SLAMF1: variants seen among roughly 807,000 people sequenced by gnomAD.
SLAMF1 encodes signaling lymphocytic activation molecule family member 1, also known as signaling lymphocytic activation molecule.
In SLAMF1, 18 loss-of-function variants were observed where a neutral mutation model predicts 35.1. The observed-to-expected ratio is 0.51, with a 90% CI of 0.35 to 0.76. SLAMF1 has a LOEUF of 0.76. Among genes scored for constraint, SLAMF1 ranks in the 30% least tolerant of loss-of-function variants. The pLI is 0.01. For missense variants in SLAMF1, 392 were observed against 413.0 expected (o/e 0.95, Z 0.44); for synonymous variants, 168 against 157.2 (o/e 1.07, Z -0.51).
chr1:160,634,623 T>C lies in SLAMF1; in HGVS notation c.690A>G (p.Thr230=). ...CACCAGTGTACTCACCTGAGGGGTCTGTCCTGCATCCGGGCCACGGGCTGA... is the reference window on the plus strand; with the variant it reads ...CACCAGTGTACTCACCTGAGGGGTCCGTCCTGCATCCGGGCCACGGGCTGA... ...QTFSPWPGCR[T]DPSETKPWAV... Residue 230 remains threonine (T), a synonymous_variant, in exon 3 of 7, where the codon ACA becomes ACG. Coordinates refer to ENST00000302035, the MANE Select transcript of SLAMF1 (RefSeq NM_003037.5). The C allele has an allele frequency of 6.2e-7, 1 of 1,605,414 alleles. No individual in the cohort carries two copies. Among genetic ancestry groups the C allele is most frequent in the African/African-American group, 1.3e-5 (1 of 75,000 alleles).
chr1:160,609,317 A>G lies in SLAMF1; in HGVS notation c.*1431T>C, dbSNP rs1658856836. The G allele has an allele frequency of 1.3e-5, 2 of 152,238 alleles. No homozygotes were observed. Among genetic ancestry groups the G allele is most frequent in the African/African-American group, 2.4e-5 (1 of 41,460 alleles). The allele number at this position is 152,238 out of a possible 1,614,324, so 9.4% of individuals were successfully genotyped here. A position where few individuals can be genotyped will look rare whatever the true frequency, so the allele number is the denominator to read the frequency against. ...ATTGGAACCAATCAGTATCTTTTCA[A>G]TAGGTTCCTTTTCTACATAAAAAAG... is the stretch of plus-strand genomic sequence containing the variant. On this transcript the variant is annotated 3_prime_UTR_variant, in exon 7 of 7. Transcript: ENST00000302035.
intron 5 of SLAMF1, among the ~76,000 whole-genome samples, chr1:160,613,996 G>A (rs1027786696): frequency 1.3e-5 from 2 of 152,210 alleles, no homozygotes; most frequent in Admixed American, 1.3e-4. Flanking sequence ...TCTTGTTAAA[G>A]GGTTGATTCT....
At chr1:160,615,349 G>A (rs1659238421) in intron 5 of SLAMF1, among the ~76,000 whole-genome samples, 2 of 152,082 alleles carry the variant, frequency 1.3e-5, no homozygotes, top group Non-Finnish European at 2.9e-5. Flanking sequence ...TATTATGCAG[G>A]AGGGAAGTAA....
chr1:160,631,668 AAG>A (rs763080531), intron 3 of SLAMF1, among the ~76,000 whole-genome samples: 7 of 151,216 alleles, frequency 4.6e-5, no homozygotes, highest in Non-Finnish European at 8.9e-5. Context: ...AGGAAAGAGA[AAG>A]AGAGAGAGAG....
At chr1:160,640,521 G>C (rs1261164988) in intron 1 of SLAMF1, among the ~76,000 whole-genome samples, 3 of 151,852 alleles carry the variant, frequency 2.0e-5, no homozygotes, top group Non-Finnish European at 2.9e-5. Context: ...GAAAGTCAGA[G>C]AGTAAAATAG....
rs981382845 is a variant in SLAMF1 at position 160,646,934 on chromosome 1, C to G, written c.12G>C (p.Lys4Asn). The G allele has an allele frequency of 6.2e-7, 1 of 1,600,560 alleles. No homozygotes were observed. The highest frequency in any genetic ancestry group is 8.6e-7 in the Non-Finnish European group (1 of 1,168,558). ...GCACGAAGGTCAAGGAGAGGAGCCC[C>G]TTGGGATCCATCAGCCAATGAGGAG... MDP[K>N]GLLSLTFVLF... Residue 4 changes from lysine to asparagine, a missense_variant, in exon 1 of 7, where the codon AAG (lysine) becomes AAC (asparagine). Physicochemically the swap from Lys to Asn is moderately conservative, Grantham distance 94. Coordinates refer to ENST00000302035, the MANE Select transcript of SLAMF1 (RefSeq NM_003037.5).
intron 4 of SLAMF1, among the ~76,000 whole-genome samples, chr1:160,622,475 T>C (rs1393540902): frequency 6.6e-6 from 1 of 152,234 alleles, no homozygotes; most frequent in Non-Finnish European, 1.5e-5. Context: ...CTAGGTATTG[T>C]TTCCAGATGC....
chr1:160,644,689 C>T (rs1453852753), intron 1 of SLAMF1, among the ~76,000 whole-genome samples: 1 of 152,152 alleles, frequency 6.6e-6, no homozygotes, highest in Non-Finnish European at 1.5e-5. Context: ...CCAATTAGCC[C>T]TGATACTCTG....
intron 1 of SLAMF1, 25 bp downstream of exon 1, chr1:160,646,845 A>C: frequency 7.2e-7 from 1 of 1,397,926 alleles, no homozygotes; most frequent in Non-Finnish European, 1.0e-6. Flanking sequence ...ATGGGACTCA[A>C]ACCATCAGGC....
chr1:160,612,720 G>A, intron 5 of SLAMF1, 140 bp from the exon 6 acceptor site: 1 of 587,794 alleles, frequency 1.7e-6, no homozygotes. Context: ...TCCTTCTCAG[G>A]TGGGAATTCT....
chr1:160,622,937 T>A (rs893444038), intron 4 of SLAMF1, among the ~76,000 whole-genome samples: 1 of 152,226 alleles, frequency 6.6e-6, no homozygotes, highest in African/African-American at 2.4e-5. Flanking sequence ...GTGCAGCAAC[T>A]AAATATAAAT....
intron 1 of SLAMF1, among the ~76,000 whole-genome samples, chr1:160,640,847 A>G (rs1230743549): frequency 6.6e-6 from 1 of 152,200 alleles, no homozygotes; most frequent in Non-Finnish European, 1.5e-5. Context: ...TTAAGCTTAA[A>G]ACAGAGTGCT....
intron 4 of SLAMF1, chr1:160,623,533 G>C (rs1410038737): frequency 2.5e-6 from 1 of 398,654 alleles, no homozygotes; most frequent in African/African-American, 2.1e-5. Flanking sequence ...ATCTCTCCTG[G>C]TCTTGGGTCA....
rs1658794620 is a variant in SLAMF1 at position 160,608,130 on chromosome 1, T to C, written c.*2618A>G. On this transcript the variant is annotated 3_prime_UTR_variant, in exon 7 of 7. Transcript: ENST00000302035. ...ATTTCCTTGATGGACTGGCTGTAAT[T>C]TATTCATTTCCAAAAAGTAGAAACA... 6.6e-6 allele frequency: 1 copy of C among 152,200 alleles called. No homozygotes were observed. The highest frequency in any genetic ancestry group is 1.5e-5 in the Non-Finnish European group (1 of 68,042). 9.4% of individuals were successfully genotyped at this position (152,200 alleles called of 1,614,324 possible). A position where few individuals can be genotyped will look rare whatever the true frequency, so the allele number is the denominator to read the frequency against.
intron 1 of SLAMF1, among the ~76,000 whole-genome samples, chr1:160,640,679 G>C (rs148758722): frequency 2.6e-5 from 4 of 151,962 alleles, no homozygotes; most frequent in Middle Eastern, 3.4e-3. Context: ...CTCAGTAAAG[G>C]GCTCAGCTAA....
At chr1:160,617,624 G>A (rs1188632533) in intron 5 of SLAMF1, among the ~76,000 whole-genome samples, 1 of 152,162 alleles carries the variant, frequency 6.6e-6, no homozygotes, top group Admixed American at 6.5e-5. Context: ...AAATAAAAAA[G>A]GAAAAAGCTA....
intron 3 of SLAMF1, 137 bp downstream of exon 3, chr1:160,634,476 T>C: frequency 7.1e-7 from 1 of 1,406,214 alleles, no homozygotes. Flanking sequence ...ATGCACATGG[T>C]AAACTTTTGC....
chr1:160,612,646 A>T, intron 5 of SLAMF1, 66 bp from the exon 6 acceptor site: 1 of 952,496 alleles, frequency 1.0e-6, no homozygotes, highest in Non-Finnish European at 1.7e-6. Flanking sequence ...CAACTCTCCG[A>T]TAGAGAAGCA....
Position 160,610,228 on chromosome 1 carries a change from C to T in SLAMF1, c.*520G>A. 1 of 451,122 alleles carries T rather than the reference C, an allele frequency of 2.2e-6. No homozygotes were observed. Among genetic ancestry groups the T allele is most frequent in the Non-Finnish European group, 4.4e-6 (1 of 224,964 alleles). The allele number at this position is 451,122 out of a possible 1,614,324, so 27.9% of individuals were successfully genotyped here. A position where few individuals can be genotyped will look rare whatever the true frequency, so the allele number is the denominator to read the frequency against. ...TATAATAAGAAATTCACCCTTCAGC[C>T]TCTATTCACTCTTTATCCTGAGAGA... On this transcript the variant is annotated 3_prime_UTR_variant, in exon 7 of 7. Transcript: ENST00000302035.
Sources: gnomAD v4.1 joint callset for allele counts (sites outside exome capture counted in the v4.1 genomes callset) on GRCh38, gnomAD v4.1.1 for gene constraint, MANE v1.5 for transcripts, NCBI Gene and HGNC (gene_info 2026-07-23, HGNC 2026-07-21) for gene names.